AGBL4: variants seen among roughly 807,000 people sequenced by gnomAD.
AGBL4 encodes the protein cytosolic carboxypeptidase 6.
Under a neutral mutation model 66.4 loss-of-function variants are expected in AGBL4, and 58 were observed. The observed-to-expected ratio is 0.87, with a 90% CI of 0.71 to 1.09. The LOEUF (loss-of-function observed/expected upper bound fraction) is 1.09, where lower values mean the gene tolerates loss of function less well. AGBL4 is among the 50% of genes least tolerant of loss of function. The pLI is 0.00. For missense variants in AGBL4, 579 were observed against 631.0 expected, an observed-to-expected ratio of 0.92 and a Z score of 0.88; for synonymous variants, 234 against 222.9, an observed-to-expected ratio of 1.05 and a Z score of -0.44.
intron 1 of AGBL4, among the ~76,000 whole-genome samples, chr1:49,885,687 T>C (rs1002967751): frequency 2.1e-4 from 32 of 152,176 alleles, no homozygotes; most frequent in African/African-American, 7.5e-4. Context: ...AAGGAGAACA[T>C]ATAAGACACA....
intron 8 of AGBL4, 106 bp downstream of exon 8, chr1:48,653,231 G>C (rs750674017): frequency 4.1e-5 from 35 of 851,426 alleles, no homozygotes; most frequent in Non-Finnish European, 3.4e-5. Context: ...TGAACTCATG[G>C]GCAGCCTCAA....
At chr1:49,928,825 G>GA (rs550987234) in intron 1 of AGBL4, among the ~76,000 whole-genome samples, 94 of 137,614 alleles carry the variant, frequency 6.8e-4, no homozygotes, top group Admixed American at 1.5e-3. Context: ...TATCCTCAAA[G>GA]AAAAAAAAAA....
At chr1:48,754,897 G>T (rs1235104970) in intron 6 of AGBL4, among the ~76,000 whole-genome samples, 2 of 152,064 alleles carry the variant, frequency 1.3e-5, no homozygotes, top group African/African-American at 4.8e-5. Context: ...CAGGACCAGG[G>T]GTCAGAAGAC....
chr1:49,235,432 A>G (rs1480258470), intron 4 of AGBL4, among the ~76,000 whole-genome samples: 2 of 152,162 alleles, frequency 1.3e-5, no homozygotes, highest in Non-Finnish European at 2.9e-5. Context: ...AAGTTGTCAC[A>G]TTTCATCCCC....
At chr1:48,721,546 C>A (rs1274734147) in intron 6 of AGBL4, among the ~76,000 whole-genome samples, 1 of 152,184 alleles carries the variant, frequency 6.6e-6, no homozygotes, top group Non-Finnish European at 1.5e-5. Context: ...CTTTAGGTGC[C>A]TATTCCAGGG....
At chr1:49,962,250 T>C (rs1657178407) in intron 1 of AGBL4, among the ~76,000 whole-genome samples, 1 of 152,116 alleles carries the variant, frequency 6.6e-6, no homozygotes, top group African/African-American at 2.4e-5. Context: ...CTTCGTTAAG[T>C]TGTCTAATAA....
rs182527033 is a variant in AGBL4, at chr1:48,992,579, C to A, written c.594+53005G>T. Among the ~76,000 whole-genome samples the A allele has an allele frequency of 3.6e-4, 55 of 152,228 alleles. No homozygotes were observed. The Middle Eastern group carries it at 0.01, about 28-fold the overall frequency. On this transcript the variant is annotated intron_variant, in intron 5 of 13. Coordinates refer to ENST00000371839, the MANE Select transcript of AGBL4 (RefSeq NM_032785.4). ...TCCTTCCCTTCAGGGCAGCAAGTTCCCCCTCAACCCTGGTTCCTCCCACAA... is the reference window on the plus strand; with the variant it reads ...TCCTTCCCTTCAGGGCAGCAAGTTCACCCTCAACCCTGGTTCCTCCCACAA...
At chr1:49,402,982 T>C (rs1645119629) in intron 3 of AGBL4, among the ~76,000 whole-genome samples, 1 of 152,222 alleles carries the variant, frequency 6.6e-6, no homozygotes, top group African/African-American at 2.4e-5. Context: ...AATGAAATGC[T>C]TCATAAATAT....
At chr1:49,915,672 GA>G (rs1651379403) in intron 1 of AGBL4, among the ~76,000 whole-genome samples, 1 of 152,182 alleles carries the variant, frequency 6.6e-6, no homozygotes, top group Non-Finnish European at 1.5e-5. Flanking sequence ...GGGCATAGCC[GA>G]ACAAAAGGCA....
At chr1:48,751,679 G>T (rs1219616155) in intron 6 of AGBL4, among the ~76,000 whole-genome samples, 1 of 152,164 alleles carries the variant, frequency 6.6e-6, no homozygotes, top group African/African-American at 2.4e-5. Flanking sequence ...ATGGCAATAT[G>T]GAAGGCAAAA....
intron 6 of AGBL4, among the ~76,000 whole-genome samples, chr1:48,666,775 T>C (rs1646195082): frequency 6.6e-6 from 1 of 152,258 alleles, no homozygotes; most frequent in African/African-American, 2.4e-5. Flanking sequence ...ACCTCTATAT[T>C]ATACTGTCTT....
chr1:48,896,910 G>C (rs1191067383), intron 5 of AGBL4, among the ~76,000 whole-genome samples: 1 of 152,076 alleles, frequency 6.6e-6, no homozygotes, highest in African/African-American at 2.4e-5. Flanking sequence ...GACTTTTGGG[G>C]TCTTCAAGGG....
intron 3 of AGBL4, among the ~76,000 whole-genome samples, chr1:49,665,906 C>T (rs983486520): frequency 1.9e-4 from 28 of 150,414 alleles, no homozygotes; most frequent in Admixed American, 7.9e-4. Context: ...TAAAATTGGT[C>T]TTCTTGTTCA....
chr1:49,311,309 A>G (rs1644937347), intron 3 of AGBL4, among the ~76,000 whole-genome samples: 1 of 152,024 alleles, frequency 6.6e-6, no homozygotes, highest in Non-Finnish European at 1.5e-5. Context: ...TGACTTCAAG[A>G]TCTTTTTCAA....
chr1:49,584,782 C>T (rs551803071), intron 3 of AGBL4, among the ~76,000 whole-genome samples: 1 of 152,306 alleles, frequency 6.6e-6, no homozygotes, highest in Non-Finnish European at 1.5e-5. Context: ...CAGGACTACA[C>T]TTAAATGATT....
intron 3 of AGBL4, among the ~76,000 whole-genome samples, chr1:49,383,518 C>T (rs933271257): frequency 1.3e-5 from 2 of 152,084 alleles, no homozygotes; most frequent in South Asian, 4.1e-4. Context: ...CTGGCTTTGA[C>T]ATGAGTGTCA....
intron 11 of AGBL4, among the ~76,000 whole-genome samples, chr1:48,557,405 T>C (rs1480474752): frequency 6.6e-6 from 1 of 151,986 alleles, no homozygotes; most frequent in Non-Finnish European, 1.5e-5. Context: ...TGGAGGCAAA[T>C]GTCACACACT....
chr1:48,635,581 G>A (rs988028604), intron 8 of AGBL4, among the ~76,000 whole-genome samples: 1 of 152,208 alleles, frequency 6.6e-6, no homozygotes, highest in Non-Finnish European at 1.5e-5. Context: ...TGTGGATGGT[G>A]TACTACGTGA....
intron 11 of AGBL4, among the ~76,000 whole-genome samples, chr1:48,579,084 T>C (rs1400302584): frequency 6.6e-6 from 1 of 152,128 alleles, no homozygotes; most frequent in South Asian, 2.1e-4. Flanking sequence ...CAACCAAACT[T>C]TTCCATTTGG....
Sources: gnomAD v4.1 joint callset for allele counts (sites outside exome capture counted in the v4.1 genomes callset) on GRCh38, gnomAD v4.1.1 for gene constraint, MANE v1.5 for transcripts, NCBI Gene and HGNC (gene_info 2026-07-23, HGNC 2026-07-21) for gene names.